The following MARCHF5 variants were observed in gnomAD, a reference collection of about 807,000 sequenced individuals.
The protein encoded by MARCHF5 is E3 ubiquitin-protein ligase MARCHF5.
MARCHF5 carries 5 observed loss-of-function variants against 36.5 expected under a neutral mutation model. That is an observed-to-expected ratio of 0.14 (90% confidence interval 0.07 to 0.29). The LOEUF (loss-of-function observed/expected upper bound fraction) is 0.29. Among genes scored for constraint, MARCHF5 ranks in the 10% least tolerant of loss-of-function variants. The pLI is 1.00. For synonymous variants in MARCHF5, 103 were observed against 109.9 expected (o/e 0.94, Z 0.39); for missense variants, 179 against 336.3 (o/e 0.53, Z 3.66).
chr10:92,330,992 A>T (rs905253300), intron 2 of MARCHF5, among the ~76,000 whole-genome samples: 1 of 152,248 alleles, frequency 6.6e-6, no homozygotes, highest in Non-Finnish European at 1.5e-5. Flanking sequence ...TCCTCAGGGT[A>T]ATGGTTACCT....
intron 2 of MARCHF5, among the ~76,000 whole-genome samples, chr10:92,339,044 CA>C (rs530962202): frequency 2.1e-4 from 31 of 146,756 alleles, no homozygotes; most frequent in Admixed American, 3.4e-4. Context: ...AACTCTGTCT[CA>C]AAAAAAAAAA....
intron 2 of MARCHF5, among the ~76,000 whole-genome samples, chr10:92,312,883 T>C (rs1219461254): frequency 3.3e-5 from 5 of 152,194 alleles, no homozygotes; most frequent in Admixed American, 1.3e-4. Context: ...CTAGGAAATA[T>C]GTTTTCAGGT....
intron 3 of MARCHF5, 28 bp from the exon 4 acceptor site, chr10:92,349,321 A>G (rs1843691848): frequency 6.7e-7 from 1 of 1,497,204 alleles, no homozygotes; most frequent in African/African-American, 1.4e-5. Context: ...AAAAGAAGTA[A>G]TTCTAATATA....
chr10:92,316,815 G>A (rs1026360655), intron 2 of MARCHF5, among the ~76,000 whole-genome samples: 3 of 151,718 alleles, frequency 2.0e-5, no homozygotes, highest in Admixed American at 6.6e-5. Flanking sequence ...CCCAAACCCC[G>A]TTGGCCTTCC....
chr10:92,302,025 C>T (rs990104394), intron 1 of MARCHF5, among the ~76,000 whole-genome samples: 10 of 152,072 alleles, frequency 6.6e-5, no homozygotes, highest in Non-Finnish European at 1.3e-4. Context: ...CACGCCATTG[C>T]ACTCCAGCCT....
At position 92,349,724 on chromosome 10, in the gene MARCHF5, C is replaced by T. The variant is rs1288158892; in HGVS notation, c.607C>T (p.His203Tyr). 1.9e-6 allele frequency: 3 copies of T among 1,613,936 alleles called. No individual in the cohort carries two copies. The highest frequency in any genetic ancestry group is 1.3e-5 in the African/African-American group (1 of 74,914). The part of the protein sequence containing the change: ...IPAEANPLAD[H>Y]VSATRILCGA... ...AGCTGAGGCCAATCCTTTAGCAGAT[C>T]ATGTCTCTGCTACTCGAATCTTGTG... The change falls in exon 5 of 6, where the codon CAT becomes TAT. Residue 203 changes from histidine to tyrosine, a missense_variant. Physicochemically the swap from His to Tyr is moderately conservative, Grantham distance 83. Coordinates refer to ENST00000358935, the MANE Select transcript of MARCHF5 (RefSeq NM_017824.5).
intron 1 of MARCHF5, 163 bp downstream of exon 1, chr10:92,291,692 G>C: frequency 1.5e-6 from 1 of 664,128 alleles, no homozygotes; most frequent in Non-Finnish European, 1.9e-6. Flanking sequence ...AGACCTGGGG[G>C]AGGACAGAGC....
intron 3 of MARCHF5, among the ~76,000 whole-genome samples, chr10:92,341,051 A>G (rs972545988): frequency 3.3e-5 from 5 of 152,294 alleles, no homozygotes; most frequent in South Asian, 2.1e-4. Context: ...CGTTCTATCT[A>G]TAGAATTACA....
In MARCHF5 at chr10:92,340,807, C is replaced by T. The variant is rs1387232489; in HGVS notation, c.369+4C>T. The T allele has an allele frequency of 6.2e-7, 1 of 1,606,468 alleles. No individual in the cohort carries two copies. The highest frequency in any genetic ancestry group is 1.3e-5 in the African/African-American group (1 of 74,528). ...TGGAGCAGTGACAGTGATGCAGGTT[C>T]ACTATTTTACCTATATAGTGATATT... On this transcript the variant is annotated splice_donor_region_variant and intron_variant, in intron 3 of 5. Coordinates refer to ENST00000358935, the MANE Select transcript of MARCHF5 (RefSeq NM_017824.5).
intron 2 of MARCHF5, among the ~76,000 whole-genome samples, chr10:92,329,613 T>G (rs747205277): frequency 3.9e-5 from 6 of 152,178 alleles, no homozygotes; most frequent in Non-Finnish European, 8.8e-5. Flanking sequence ...CATTGGTTTA[T>G]TTCACTACCT....
rs1239194661 is a variant in MARCHF5 at position 92,300,675 on chromosome 10, G to C, written c.35+9146G>C. ...AAGTGTATAAGTACCCAAGTCTTTT[G>C]CCCAAGCCAAACTGGCTTGCGCACT... is the stretch of plus-strand genomic sequence containing the variant. On this transcript the variant is annotated intron_variant, in intron 1 of 5. Transcript: ENST00000358935. 1.4e-4 allele frequency among the ~76,000 whole-genome samples: 21 copies of C among 151,968 alleles called. 1 individual carries two copies. Among genetic ancestry groups the C allele is most frequent in the Admixed American group, 1.4e-3 (21 of 15,254 alleles).
chr10:92,327,859 G>A (rs1184574234), intron 2 of MARCHF5, among the ~76,000 whole-genome samples: 1 of 151,854 alleles, frequency 6.6e-6, no homozygotes, highest in Admixed American at 6.6e-5. Flanking sequence ...GAAAAAGCTA[G>A]CATAAAAGGG....
At chr10:92,339,080 A>C (rs894363572) in intron 2 of MARCHF5, among the ~76,000 whole-genome samples, 2 of 152,096 alleles carry the variant, frequency 1.3e-5, no homozygotes, top group Non-Finnish European at 2.9e-5. Flanking sequence ...TTAAAAAAAT[A>C]AACTTAGGGC....
At chr10:92,324,381 A>G (rs910048777) in intron 2 of MARCHF5, among the ~76,000 whole-genome samples, 2 of 151,878 alleles carry the variant, frequency 1.3e-5, no homozygotes, top group African/African-American at 4.8e-5. Flanking sequence ...TCTATTTATG[A>G]GACGGAGTCT....
intron 3 of MARCHF5, among the ~76,000 whole-genome samples, chr10:92,343,991 TATTTA>T (rs1843610747): frequency 6.6e-6 from 1 of 152,220 alleles, no homozygotes. Context: ...GATTATACAT[TATTTA>T]ATGTACAAAT....
chr10:92,295,974 C>T (rs955631606), intron 1 of MARCHF5, among the ~76,000 whole-genome samples: 1 of 151,152 alleles, frequency 6.6e-6, no homozygotes, highest in Non-Finnish European at 1.5e-5. Flanking sequence ...CTCTCGGGTT[C>T]GCGTGATTCT....
Position 92,329,968 on chromosome 10 carries a change from G to A in MARCHF5, c.239-10705G>A, listed in dbSNP as rs538979192. On this transcript the variant is annotated intron_variant, in intron 2 of 5. Transcript: ENST00000358935. ...TCAAGCAGTTCTGCCTCAGCCTCCC[G>A]AGTAGCTGGAATTACAGGCTCCTAC... Among the ~76,000 whole-genome samples, 25 of 152,178 alleles carry A rather than the reference G, an allele frequency of 1.6e-4. No homozygotes were observed. In the South Asian group the frequency reaches 3.3e-3, roughly 20 times the overall value.
At chr10:92,339,398 G>C (rs528982429) in intron 2 of MARCHF5, among the ~76,000 whole-genome samples, 11 of 140,296 alleles carry the variant, frequency 7.8e-5, no homozygotes, top group Non-Finnish European at 1.4e-4. Flanking sequence ...GGCTGGGTGC[G>C]GTGGCTCACA....
chr10:92,343,523 A>G (rs1405777049), intron 3 of MARCHF5, among the ~76,000 whole-genome samples: 1 of 152,172 alleles, frequency 6.6e-6, no homozygotes, highest in Non-Finnish European at 1.5e-5. Flanking sequence ...CAGCATCTAC[A>G]TAGAAACTAA....
Sources: gnomAD v4.1 joint callset for allele counts (sites outside exome capture counted in the v4.1 genomes callset) on GRCh38, gnomAD v4.1.1 for gene constraint, MANE v1.5 for transcripts, NCBI Gene and HGNC (gene_info 2026-07-23, HGNC 2026-07-21) for gene names.